PRKCI: variants seen among roughly 807,000 people sequenced by gnomAD.
PRKCI encodes the protein protein kinase C iota type.
A neutral mutation model predicts 84.0 loss-of-function variants in PRKCI; 43 were observed. The ratio of observed to expected loss-of-function variants is 0.51; its 90% confidence interval spans 0.40 to 0.66. PRKCI has a LOEUF of 0.66. Among genes scored for constraint, PRKCI ranks in the 30% least tolerant of loss-of-function variants. PRKCI has a pLI of 0.00. For synonymous variants in PRKCI, 216 were observed against 234.4 expected (o/e 0.92, Z 0.72); for missense variants, 459 against 745.6 (o/e 0.62, Z 4.48).
intron 16 of PRKCI, among the ~76,000 whole-genome samples, chr3:170,298,639 C>T (rs1734744684): frequency 6.6e-6 from 1 of 152,236 alleles, no homozygotes; most frequent in Non-Finnish European, 1.5e-5. Flanking sequence ...TCCCTGACCT[C>T]AGGTGATCTG....
intron 12 of PRKCI, among the ~76,000 whole-genome samples, chr3:170,285,229 G>A (rs1734348236): frequency 6.6e-6 from 1 of 151,870 alleles, no homozygotes; most frequent in African/African-American, 2.4e-5. Context: ...ACAGGCGCCT[G>A]CCACCACGCC....
intron 1 of PRKCI, among the ~76,000 whole-genome samples, chr3:170,226,633 T>C (rs1481836828): frequency 2.0e-5 from 3 of 152,228 alleles, no homozygotes; most frequent in Admixed American, 6.5e-5. Flanking sequence ...ATTAACTCTT[T>C]GCATATTTGG....
intron 15 of PRKCI, among the ~76,000 whole-genome samples, 177 bp downstream of exon 15, chr3:170,296,167 A>T (rs941001966): frequency 1.4e-4 from 22 of 152,208 alleles, no homozygotes; most frequent in African/African-American, 5.1e-4. Context: ...TCCTGAGATA[A>T]GTTAGTTGTC....
intron 11 of PRKCI, 65 bp downstream of exon 11, chr3:170,282,033 G>T: frequency 6.6e-7 from 1 of 1,511,318 alleles, no homozygotes. Context: ...TATGTGCAGT[G>T]GTTGGAAACA....
chr3:170,297,546 G>A (rs1002596158), intron 16 of PRKCI, among the ~76,000 whole-genome samples, 153 bp downstream of exon 16: 7 of 151,810 alleles, frequency 4.6e-5, no homozygotes, highest in Admixed American at 6.6e-5. Context: ...CCTCCGCCTC[G>A]CGAGTTCAAG....
chr3:170,240,576 A>G (rs141845317), intron 2 of PRKCI, among the ~76,000 whole-genome samples: 18 of 152,278 alleles, frequency 1.2e-4, no homozygotes, highest in Admixed American at 6.5e-4. Flanking sequence ...AACAGTAATT[A>G]TTTTTAAGTT....
chr3:170,229,755 C>A (rs1420415498), intron 1 of PRKCI, among the ~76,000 whole-genome samples: 1 of 152,100 alleles, frequency 6.6e-6, no homozygotes, highest in Non-Finnish European at 1.5e-5. Flanking sequence ...GATATTGTTT[C>A]CCAAAAGAGC....
chr3:170,290,871 C>T (rs1480411249), intron 12 of PRKCI, among the ~76,000 whole-genome samples: 2 of 152,030 alleles, frequency 1.3e-5, no homozygotes, highest in Non-Finnish European at 2.9e-5. Flanking sequence ...GGCATGGTGG[C>T]TTATGCCTGT....
intron 3 of PRKCI, among the ~76,000 whole-genome samples, chr3:170,260,265 C>T (rs556558294): frequency 6.6e-6 from 1 of 152,144 alleles, no homozygotes; most frequent in East Asian, 1.9e-4. Flanking sequence ...ATTTTGTGGT[C>T]TCTGTATGTC....
intron 2 of PRKCI, among the ~76,000 whole-genome samples, chr3:170,251,177 A>G (rs1339700138): frequency 6.6e-6 from 1 of 152,228 alleles, no homozygotes; most frequent in Non-Finnish European, 1.5e-5. Flanking sequence ...CGAAACTTGA[A>G]TGAATGGTTT....
At chr3:170,237,254 C>T (rs973903423) in intron 2 of PRKCI, among the ~76,000 whole-genome samples, 4 of 152,254 alleles carry the variant, frequency 2.6e-5, no homozygotes, top group South Asian at 4.1e-4. Flanking sequence ...ACAGGCTCCA[C>T]GGGTGAGTTG....
At chr3:170,300,542 A>C (rs575508201) in intron 17 of PRKCI, among the ~76,000 whole-genome samples, 24 of 151,844 alleles carry the variant, frequency 1.6e-4, no homozygotes, top group Admixed American at 1.4e-3. Flanking sequence ...CCCTCTTTGA[A>C]CAACCACGTT....
chr3:170,268,115 A>C lies in PRKCI; in HGVS notation c.450+115A>C, dbSNP rs1018833064. On this transcript the variant is annotated intron_variant, in intron 5 of 17. Transcript: ENST00000295797. ...GTTATACACTTTTAAATACATAAGT[A>C]GCATGACCTTACATTTCCAGTTTGC... 35 of 757,254 alleles carry C rather than the reference A, an allele frequency of 4.6e-5. No individual in the cohort carries two copies. In the African/African-American group the frequency reaches 5.7e-4, roughly 12 times the overall value. 46.9% of individuals were successfully genotyped at this position (757,254 alleles called of 1,614,324 possible).
intron 1 of PRKCI, among the ~76,000 whole-genome samples, chr3:170,232,401 C>T (rs750250227): frequency 6.6e-5 from 10 of 151,704 alleles, no homozygotes; most frequent in South Asian, 2.1e-4. Context: ...TGTCTTCCTC[C>T]ATCACCCAGG....
intron 2 of PRKCI, among the ~76,000 whole-genome samples, chr3:170,239,776 A>G (rs1733075467): frequency 6.7e-6 from 1 of 149,640 alleles, no homozygotes; most frequent in Non-Finnish European, 1.5e-5. Context: ...TGTAAGCTCC[A>G]TGAGAGCAGA....
chr3:170,283,890 A>G (rs1051894322), intron 11 of PRKCI, among the ~76,000 whole-genome samples: 4 of 152,238 alleles, frequency 2.6e-5, no homozygotes, highest in Non-Finnish European at 5.9e-5. Flanking sequence ...GGTTGTCACC[A>G]GTGAGTTGGT....
intron 2 of PRKCI, among the ~76,000 whole-genome samples, chr3:170,238,513 T>A (rs1040801855): frequency 4.6e-5 from 7 of 151,824 alleles, no homozygotes; most frequent in African/African-American, 1.7e-4. Context: ...AGATGTTTCA[T>A]GATTAATCCC....
chr3:170,261,457 TTTAA>T (rs1474368673), intron 3 of PRKCI, among the ~76,000 whole-genome samples: 24 of 136,160 alleles, frequency 1.8e-4, no homozygotes, highest in African/African-American at 8.6e-4. Flanking sequence ...GTGTTTTTTT[TTTAA>T]AAAAAAAAAA....
At chr3:170,263,484 G>T in intron 4 of PRKCI, 55 bp downstream of exon 4, 1 of 1,440,158 alleles carries the variant, frequency 6.9e-7, no homozygotes, top group Non-Finnish European at 9.7e-7. Context: ...TATGGTACAA[G>T]TGAAAAAGAA....
Sources: gnomAD v4.1 joint callset for allele counts (sites outside exome capture counted in the v4.1 genomes callset) on GRCh38, gnomAD v4.1.1 for gene constraint, MANE v1.5 for transcripts, NCBI Gene and HGNC (gene_info 2026-07-23, HGNC 2026-07-21) for gene names.